The following CYB5R3 variants were observed in gnomAD, a reference collection of about 807,000 sequenced individuals.
CYB5R3 encodes NADH-cytochrome b5 reductase 3.
A neutral mutation model predicts 36.5 loss-of-function variants in CYB5R3; 28 were observed. The ratio of observed to expected loss-of-function variants is 0.77; its 90% confidence interval spans 0.57 to 1.05. The LOEUF (loss-of-function observed/expected upper bound fraction) is 1.05. CYB5R3 is among the 50% of genes least tolerant of loss of function. The pLI is 0.00. For missense variants in CYB5R3, 474 were observed against 408.9 expected (o/e 1.16, Z -1.37); for synonymous variants, 181 against 159.8 (o/e 1.13, Z -1.00).
Position 42,619,808 on chromosome 22 carries a change from C to T in CYB5R3, c.871G>A (p.Val291Met), listed in dbSNP as rs773106001. Residue 291 changes from valine (V) to methionine (M), a missense_variant, in exon 9 of 9, where the codon GTG becomes ATG. Physicochemically the swap from Val to Met is conservative, Grantham distance 21 (BLOSUM62 1). Coordinates refer to ENST00000352397, the MANE Select transcript of CYB5R3 (RefSeq NM_000398.7). ...QYACLPNLDH[V>M]GHPTERCFVF is the part of the protein sequence containing the mutation. ...AAGCAGCGCTCCGTGGGGTGGCCCA[C>T]GTGGTCCAGGTTGGGAAGGCAGGCG... 3.1e-6 allele frequency: 5 copies of T among 1,597,790 alleles called. No individual in the cohort carries two copies. The highest frequency in any genetic ancestry group is 3.3e-4 in the Middle Eastern group (2 of 6,066).
intron 2 of CYB5R3, among the ~76,000 whole-genome samples, chr22:42,633,909 G>A (rs1163946953): frequency 6.6e-6 from 1 of 152,062 alleles, no homozygotes; most frequent in Non-Finnish European, 1.5e-5. Context: ...GTGACAGAGC[G>A]AGACCTTGTT....
At position 42,624,659 on chromosome 22, in the gene CYB5R3, C is replaced by T. The variant is rs573992950; in HGVS notation, c.634-771G>A. 1.7e-3 allele frequency among the ~76,000 whole-genome samples: 245 copies of T among 148,444 alleles called. 1 individual carries two copies. The highest frequency in any genetic ancestry group is 5.8e-3 in the African/African-American group (235 of 40,462). On this transcript the variant is annotated intron_variant, in intron 7 of 8. Transcript: ENST00000352397. ...GCTGCTGCCCAGCGTTTGCAGGTCA[C>T]ACAGGGACAGAAGGGGCTCCTTAGG...
At position 42,636,812 on chromosome 22, in the gene CYB5R3, A is replaced by G; in HGVS notation, c.56T>C (p.Leu19Pro). 3 of 1,613,976 alleles carry G rather than the reference A, an allele frequency of 1.9e-6. No individual in the cohort carries two copies. The highest frequency in any genetic ancestry group is 2.5e-6 in the Non-Finnish European group (3 of 1,180,018). ...GHMVLFPVWF[L>P]YSLLMKLFQR... is the part of the protein sequence containing the mutation. ...GAACAGCTTCATGAGCAGACTGTAC[A>G]GGAACCAGACTGGGAAGAGCACCAT... is the stretch of plus-strand genomic sequence containing the variant. The change falls in exon 2 of 9, where the codon CTG (leucine) becomes CCG (proline). Residue 19 changes from leucine to proline, a missense_variant. Physicochemically the swap from Leu to Pro is moderately conservative, Grantham distance 98 (BLOSUM62 -3). Transcript: ENST00000352397.
Position 42,618,393 on chromosome 22 carries a change from C to T in CYB5R3, c.*1380G>A, listed in dbSNP as rs887215517. 6 of 150,790 alleles carry T rather than the reference C, an allele frequency of 4.0e-5. No individual in the cohort carries two copies. Among genetic ancestry groups the T allele is most frequent in the African/African-American group, 1.5e-4 (6 of 40,594 alleles). The allele number at this position is 150,790 out of a possible 1,614,324, so 9.3% of individuals were successfully genotyped here. A position where few individuals can be genotyped will look rare whatever the true frequency, so the allele number is the denominator to read the frequency against. On this transcript the variant is annotated 3_prime_UTR_variant, in exon 9 of 9. Transcript: ENST00000352397. ...TCTACTAAAAATACAAAAAATTAGC[C>T]GGGCGTAGTGGCGGGCGCCTGTAGT...
rs575595076 is a variant in CYB5R3, at chr22:42,625,518, T to TA, written c.634-1631dup. Among the ~76,000 whole-genome samples the TA allele has an allele frequency of 3.9e-5, 6 of 152,122 alleles. No individual in the cohort carries two copies. The South Asian group carries it at 1.2e-3, about 32-fold the overall frequency. On this transcript the variant is annotated intron_variant, in intron 7 of 8. Transcript: ENST00000352397. ...GAGTGAAATTCCGTCTCAATTTTTT[T>TA]AAAAAAAGTTATGTCTTCCTCTCTG...
intron 7 of CYB5R3, among the ~76,000 whole-genome samples, chr22:42,625,842 T>C (rs1389068585): frequency 1.3e-5 from 2 of 152,136 alleles, no homozygotes; most frequent in South Asian, 2.1e-4. Context: ...ACTGGTATTT[T>C]TCACTCTTCC....
chr22:42,627,158 A>C, intron 7 of CYB5R3, 146 bp downstream of exon 7: 1 of 728,760 alleles, frequency 1.4e-6, no homozygotes, highest in Non-Finnish European at 2.4e-6. Flanking sequence ...CAAGGCCGCC[A>C]GTGCACAGAA....
intron 7 of CYB5R3, among the ~76,000 whole-genome samples, chr22:42,626,631 G>A (rs763670524): frequency 7.2e-5 from 11 of 152,194 alleles, no homozygotes; most frequent in East Asian, 1.9e-4. Flanking sequence ...CTGCAGCTGC[G>A]GGGAGGCAGG....
intron 1 of CYB5R3, chr22:42,640,178 A>G (rs752669494): frequency 4.3e-6 from 7 of 1,612,500 alleles, no homozygotes; most frequent in Non-Finnish European, 3.4e-6. Context: ...ACCGTGGTGT[A>G]GTACCAAAAT....
intron 7 of CYB5R3, 95 bp downstream of exon 7, chr22:42,627,209 C>T: frequency 9.7e-7 from 1 of 1,032,416 alleles, no homozygotes; most frequent in Non-Finnish European, 1.5e-6. Flanking sequence ...AGAATCTCAG[C>T]AGAGCTGTGC....
chr22:42,649,340 TGTCGCC>T lies in CYB5R3; in HGVS notation c.-31_-26del. 1.0e-6 allele frequency: 1 copy of T among 983,078 alleles called. No homozygotes were observed. The allele number at this position is 983,078 out of a possible 1,614,324, so 60.9% of individuals were successfully genotyped here. On this transcript the variant is annotated 5_prime_UTR_variant, in exon 1 of 9. Coordinates refer to ENST00000352397, the MANE Select transcript of CYB5R3 (RefSeq NM_000398.7). ...TGGTGGCCCCGCGCCGCGCTCGCTC[TGTCGCC>T]GCCGCCGCCGCCGCCGAGACCGTCG... is the stretch of plus-strand genomic sequence containing the variant.
At chr22:42,627,231 A>G in intron 7 of CYB5R3, 73 bp downstream of exon 7, 2 of 1,256,114 alleles carry the variant, frequency 1.6e-6, no homozygotes, top group Non-Finnish European at 2.3e-6. Context: ...GACCCCTGGA[A>G]CAGCACCTGA....
rs763056432 is a variant in CYB5R3 at position 42,636,770 on chromosome 22, G to A, written c.98C>T (p.Ala33Val). The change falls in exon 2 of 9, where the codon GCC (alanine) becomes GTC (valine). Residue 33 changes from alanine to valine, a missense_variant. By Grantham distance (64) the Ala-to-Val change is moderately conservative. Coordinates refer to ENST00000352397, the MANE Select transcript of CYB5R3 (RefSeq NM_000398.7). Reference sequence around the variant, plus strand: ...GATGTCCGGGCTCTCGAGGGTGATGGCTGGCGTGGAGCGCTGGAACAGCTT... The same window carrying A: ...GATGTCCGGGCTCTCGAGGGTGATGACTGGCGTGGAGCGCTGGAACAGCTT... Reference protein sequence around the residue: ...LMKLFQRSTPAITLESPDIKY... With the variant: ...LMKLFQRSTPVITLESPDIKY... 6.2e-7 allele frequency: 1 copy of A among 1,613,880 alleles called. No individual in the cohort carries two copies. The highest frequency in any genetic ancestry group is 8.5e-7 in the Non-Finnish European group (1 of 1,180,008).
At chr22:42,621,299 G>C (rs1927958732) in intron 8 of CYB5R3, among the ~76,000 whole-genome samples, 3 of 152,022 alleles carry the variant, frequency 2.0e-5, no homozygotes, top group Admixed American at 6.6e-5. Flanking sequence ...ATGCCCTCCA[G>C]CCTGGAGCTC....
intron 7 of CYB5R3, among the ~76,000 whole-genome samples, chr22:42,625,765 G>A (rs933846073): frequency 1.3e-5 from 2 of 152,096 alleles, no homozygotes; most frequent in African/African-American, 4.8e-5. Flanking sequence ...TGTAGCATGG[G>A]GACCCCTGGG....
intron 1 of CYB5R3, among the ~76,000 whole-genome samples, chr22:42,645,643 G>A (rs942503541): frequency 6.6e-6 from 1 of 152,250 alleles, no homozygotes; most frequent in Middle Eastern, 3.4e-3. Flanking sequence ...AGCCAGGCGG[G>A]CAGCCTCTGC....
intron 8 of CYB5R3, 34 bp downstream of exon 8, chr22:42,623,755 C>A: frequency 1.9e-6 from 3 of 1,568,450 alleles, no homozygotes; most frequent in Non-Finnish European, 2.6e-6. Flanking sequence ...GCTGGCACCT[C>A]CCACCCACCC....
At chr22:42,627,568 T>C (rs373947617) in intron 6 of CYB5R3, 37 bp downstream of exon 6, 8 of 1,587,088 alleles carry the variant, frequency 5.0e-6, no homozygotes, top group Non-Finnish European at 4.3e-6. Flanking sequence ...ACCCTTAACA[T>C]GAGCCGCCGG....
chr22:42,648,797 G>A (rs555070473), intron 1 of CYB5R3, among the ~76,000 whole-genome samples: 1 of 152,090 alleles, frequency 6.6e-6, no homozygotes, highest in South Asian at 2.1e-4. Context: ...ACACACACAC[G>A]TTCAGTCGCA....
Sources: gnomAD v4.1 joint callset for allele counts (sites outside exome capture counted in the v4.1 genomes callset) on GRCh38, gnomAD v4.1.1 for gene constraint, MANE v1.5 for transcripts, NCBI Gene and HGNC (gene_info 2026-07-23, HGNC 2026-07-21) for gene names.